Variants in GHITM observed in about 807,000 individuals in gnomAD.
GHITM encodes the protein growth hormone inducible transmembrane protein.
In GHITM, 24 loss-of-function variants were observed where a neutral mutation model predicts 38.7. The ratio of observed to expected loss-of-function variants is 0.62; its 90% CI spans 0.45 to 0.87. GHITM has a LOEUF of 0.87. Ranked by LOEUF, GHITM falls within the 40% of genes least tolerant of loss-of-function variation. The probability of loss-of-function intolerance (pLI) is 0.00; values close to 1 mark genes in which losing one functional copy is unlikely to be tolerated. For missense variants in GHITM, 420 were observed against 429.8 expected, an observed-to-expected ratio of 0.98 and a Z score of 0.20; for synonymous variants, 154 against 147.8, an observed-to-expected ratio of 1.04 and a Z score of -0.30.
Position 84,144,032 on chromosome 10 carries a change from T to C in GHITM, c.267T>C (p.Ala89=), listed in dbSNP as rs1300606434. ...QMGRWFVAGG[A]AVGLGALCYY... is the part of the protein sequence containing the mutation. ...GAAGATGGTTTGTTGCTGGAGGGGC[T>C]GCTGTTGGTCTTGGAGCATTGTGCT... Residue 89 remains alanine (A), a synonymous_variant, in exon 4 of 9, where the codon GCT becomes GCC. Coordinates refer to ENST00000372134, the MANE Select transcript of GHITM (RefSeq NM_014394.3). 6.2e-7 allele frequency: 1 copy of C among 1,614,126 alleles called. No homozygotes were observed. Among genetic ancestry groups the C allele is most frequent in the South Asian group, 1.1e-5 (1 of 91,088 alleles).
intron 3 of GHITM, among the ~76,000 whole-genome samples, chr10:84,142,972 T>C (rs1841522312): frequency 6.6e-6 from 1 of 152,166 alleles, no homozygotes; most frequent in Non-Finnish European, 1.5e-5. Flanking sequence ...TCCTTTTTTT[T>C]AAAGAAAAGG....
At chr10:84,150,974 C>G (rs747121980) in intron 8 of GHITM, 94 bp downstream of exon 8, 3 of 802,106 alleles carry the variant, frequency 3.7e-6, no homozygotes, top group Non-Finnish European at 6.2e-6. Flanking sequence ...TATTAGTTTT[C>G]TAGGGATACT....
At chr10:84,147,750 A>C (rs1267015022) in intron 5 of GHITM, among the ~76,000 whole-genome samples, 1 of 152,152 alleles carries the variant, frequency 6.6e-6, no homozygotes, top group African/African-American at 2.4e-5. Context: ...ATTACATGTT[A>C]ATACATTCTT....
chr10:84,140,954 C>T (rs888647240), intron 1 of GHITM, among the ~76,000 whole-genome samples: 28 of 152,160 alleles, frequency 1.8e-4, no homozygotes, highest in African/African-American at 4.1e-4. Context: ...AGCTGAAATT[C>T]ATATAGTTGG....
At position 84,150,716 on chromosome 10, in the gene GHITM, G is replaced by A; in HGVS notation, c.789G>A (p.Met263Ile). Residue 263 changes from methionine to isoleucine, a missense_variant, in exon 8 of 9, where the codon ATG becomes ATA. Met to Ile is a conservative substitution (Grantham distance 10). Transcript: ENST00000372134. ...TTCGCATTTTGATTTCAGGATCTAT[G>A]TTTCTTCCACCTACCACCGTGGCTG... is the stretch of plus-strand genomic sequence containing the variant. ...GLVFVSSLGS[M>I]FLPPTTVAGA... 1 of 1,585,212 alleles carries A rather than the reference G, an allele frequency of 6.3e-7. No individual in the cohort carries two copies. Among genetic ancestry groups the A allele is most frequent in the Non-Finnish European group, 8.6e-7 (1 of 1,164,680 alleles).
rs1841484648 is a variant in GHITM at position 84,139,601 on chromosome 10, T to C, written c.-40+8T>C. On this transcript the variant is annotated splice_region_variant and intron_variant, in intron 1 of 8. Coordinates refer to ENST00000372134, the MANE Select transcript of GHITM (RefSeq NM_014394.3). ...AGGTGACCGGGGACCGAGGTACTGC[T>C]CCGGCTGGCCGGCGGGCGCCCGGGA... 6.6e-6 allele frequency: 1 copy of C among 152,288 alleles called. No individual in the cohort carries two copies. Among genetic ancestry groups the C allele is most frequent in the Non-Finnish European group, 1.5e-5 (1 of 68,100 alleles). The allele number at this position is 152,288 out of a possible 1,614,324, so 9.4% of individuals were successfully genotyped here. A position where few individuals can be genotyped will look rare whatever the true frequency, so the allele number is the denominator to read the frequency against.
intron 3 of GHITM, among the ~76,000 whole-genome samples, chr10:84,143,467 A>G (rs80246092): frequency 2.0e-5 from 3 of 152,282 alleles, no homozygotes; most frequent in Non-Finnish European, 2.9e-5. Flanking sequence ...GAATACCTCT[A>G]TTGAGTTAGA....
In GHITM at chr10:84,141,698, T is replaced by G. The variant is rs545979868; in HGVS notation, c.129+69T>G. Reference sequence around the variant, plus strand: ...TGTGCCCTTTCTTTTTGGCAGAGTATGGCTGCTCTGCCTTTAGTGTGTTAT... The same window carrying G: ...TGTGCCCTTTCTTTTTGGCAGAGTAGGGCTGCTCTGCCTTTAGTGTGTTAT... On this transcript the variant is annotated intron_variant, in intron 2 of 8. Coordinates refer to ENST00000372134, the MANE Select transcript of GHITM (RefSeq NM_014394.3). 2.2e-5 allele frequency: 32 copies of G among 1,426,244 alleles called. No homozygotes were observed. The Middle Eastern group carries it at 5.8e-4, about 26-fold the overall frequency. The allele number at this position is 1,426,244 out of a possible 1,614,324, so 88.3% of individuals were successfully genotyped here.
Position 84,150,092 on chromosome 10 carries a change from A to G in GHITM, c.630A>G (p.Leu210=). The change falls in exon 7 of 9, where the codon TTA becomes TTG. Residue 210 remains leucine, a synonymous_variant. Transcript: ENST00000372134. ...MGAVVAPLTI[L]GGPLLIRAAW... is the part of the protein sequence containing the mutation. ...CAGTGGTGGCTCCTCTGACAATATTAGGGGGTCCTCTTCTCATCAGAGCTG... is the reference window on the plus strand; with the variant it reads ...CAGTGGTGGCTCCTCTGACAATATTGGGGGGTCCTCTTCTCATCAGAGCTG... 6.2e-7 allele frequency: 1 copy of G among 1,609,078 alleles called. No individual in the cohort carries two copies. Among genetic ancestry groups the G allele is most frequent in the Non-Finnish European group, 8.5e-7 (1 of 1,176,560 alleles).
chr10:84,150,559 T>C, intron 7 of GHITM, 150 bp from the exon 8 acceptor site: 1 of 621,186 alleles, frequency 1.6e-6, no homozygotes, highest in Non-Finnish European at 2.7e-6. Flanking sequence ...TTTGAACTAA[T>C]GCAAATAAGA....
chr10:84,140,296 G>C (rs1206062378), intron 1 of GHITM: 1 of 152,250 alleles, frequency 6.6e-6, no homozygotes, highest in Non-Finnish European at 1.5e-5. Flanking sequence ...GCCGGGTGCC[G>C]AATTTTAAGA....
intron 2 of GHITM, among the ~76,000 whole-genome samples, chr10:84,142,035 C>G (rs1213706514): frequency 1.3e-5 from 2 of 152,156 alleles, no homozygotes; most frequent in African/African-American, 4.8e-5. Context: ...TAATATCTGT[C>G]AGGTTAGAAA....
chr10:84,149,428 A>G (rs1841588906), intron 6 of GHITM, among the ~76,000 whole-genome samples: 1 of 152,226 alleles, frequency 6.6e-6, no homozygotes, highest in Non-Finnish European at 1.5e-5. Flanking sequence ...TATGAGGTAA[A>G]CGACATTTAA....
At chr10:84,149,948 A>G (rs1841595157) in intron 6 of GHITM, 107 bp from the exon 7 acceptor site, 4 of 880,882 alleles carry the variant, frequency 4.5e-6, no homozygotes, top group East Asian at 2.9e-5. Flanking sequence ...TTTTTGAATC[A>G]TAGTGCTTAA....
intron 5 of GHITM, among the ~76,000 whole-genome samples, chr10:84,147,471 A>G (rs532102660): frequency 6.6e-6 from 1 of 152,316 alleles, no homozygotes; most frequent in African/African-American, 2.4e-5. Flanking sequence ...ACTTTATATT[A>G]GAGGTTGAAT....
intron 5 of GHITM, among the ~76,000 whole-genome samples, chr10:84,148,503 C>T (rs891239767): frequency 6.6e-6 from 1 of 152,112 alleles, no homozygotes; most frequent in Admixed American, 6.5e-5. Flanking sequence ...CACCAGTTAG[C>T]CAGGCTGGTC....
intron 8 of GHITM, among the ~76,000 whole-genome samples, chr10:84,151,787 GATTTT>G (rs1841614630): frequency 6.6e-6 from 1 of 151,752 alleles, no homozygotes; most frequent in African/African-American, 2.4e-5. Context: ...AAAGTAATTT[GATTTT>G]ATCTAAAAAT....
At chr10:84,151,316 T>A (rs1049668372) in intron 8 of GHITM, among the ~76,000 whole-genome samples, 4 of 152,342 alleles carry the variant, frequency 2.6e-5, no homozygotes, top group Non-Finnish European at 4.4e-5. Context: ...CCTGTTTTAC[T>A]TCTGTTGCAG....
At chr10:84,146,185 G>A (rs1297849947) in intron 5 of GHITM, among the ~76,000 whole-genome samples, 8 of 152,224 alleles carry the variant, frequency 5.3e-5, no homozygotes, top group Admixed American at 5.2e-4. Context: ...AAATTCAAGT[G>A]TTTGAGGTCT....
Sources: gnomAD v4.1 joint callset for allele counts (sites outside exome capture counted in the v4.1 genomes callset) on GRCh38, gnomAD v4.1.1 for gene constraint, MANE v1.5 for transcripts, NCBI Gene and HGNC (gene_info 2026-07-23, HGNC 2026-07-21) for gene names.